USP54: variants seen among roughly 807,000 people sequenced by gnomAD.
USP54 encodes the protein ubiquitin specific peptidase 54.
In USP54, 87 loss-of-function variants were observed where a neutral mutation model predicts 170.5. The observed-to-expected ratio is 0.51, with a 90% CI of 0.43 to 0.61. The LOEUF (loss-of-function observed/expected upper bound fraction) is 0.61, where lower values mean the gene tolerates loss of function less well. Ranked by LOEUF, USP54 falls within the 20% of genes least tolerant of loss-of-function variation. USP54 has a pLI of 0.00. For missense variants in USP54, 1,786 were observed against 2,047.8 expected, an observed-to-expected ratio of 0.87 and a Z score of 2.47; for synonymous variants, 655 against 742.8, an observed-to-expected ratio of 0.88 and a Z score of 1.92.
chr10:73,546,842 A>T (rs987691143), intron 4 of USP54, among the ~76,000 whole-genome samples: 6 of 152,054 alleles, frequency 3.9e-5, no homozygotes, highest in Non-Finnish European at 1.5e-5. Flanking sequence ...GCTGTCTCCA[A>T]TTTTTTGCTA....
rs781778095 is a variant in USP54, at chr10:73,575,551, C to T, written c.108G>A (p.Glu36=). 6.2e-7 allele frequency: 1 copy of T among 1,613,932 alleles called. No individual in the cohort carries two copies. Among genetic ancestry groups the T allele is most frequent in the South Asian group, 1.1e-5 (1 of 91,034 alleles). ...SIAPSKGLSN[E]PGQNSCFLNS... The stretch of plus-strand genomic sequence containing the variant: ...TGAGGAAGCAGCTGTTTTGCCCTGG[C>T]TCATTGCTGAGGCCTTTGCTGGGGG... Residue 36 remains glutamate, a synonymous_variant, in exon 3 of 24, where the codon GAG becomes GAA. Transcript: ENST00000687698.
Position 73,536,181 on chromosome 10 carries a change from C to G in USP54, c.1144+88G>C, listed in dbSNP as rs149498166. The stretch of plus-strand genomic sequence containing the variant: ...GATCCTCTTTCTCCAAGCTAGGTTA[C>G]GAGCTAAGCACATAATTAACTATGA... On this transcript the variant is annotated intron_variant, in intron 11 of 23. Transcript: ENST00000687698. The G allele has an allele frequency of 1.0e-3, 1,588 of 1,523,426 alleles. 8 individuals carry two copies. The African/African-American group carries it at 0.016, about 15-fold the overall frequency. 94.4% of individuals were successfully genotyped at this position (1,523,426 alleles called of 1,614,324 possible).
chr10:73,535,123 A>G (rs1397272867), intron 11 of USP54, among the ~76,000 whole-genome samples: 2 of 152,236 alleles, frequency 1.3e-5, no homozygotes, highest in African/African-American at 4.8e-5. Context: ...ACAACCTGTC[A>G]TACATAGTCA....
chr10:73,563,560 C>T (rs2073577349), intron 4 of USP54, among the ~76,000 whole-genome samples: 1 of 152,172 alleles, frequency 6.6e-6, no homozygotes, highest in South Asian at 2.1e-4. Flanking sequence ...GCCTCAGCCT[C>T]CCAAATAGCT....
chr10:73,520,055 T>TA, intron 18 of USP54, 63 bp from the exon 19 acceptor site: 2 of 1,525,308 alleles, frequency 1.3e-6, no homozygotes, highest in Non-Finnish European at 1.8e-6. Context: ...ATAAAAAGAA[T>TA]AAAATTGAAA....
At chr10:73,552,580 C>T (rs565006807) in intron 4 of USP54, among the ~76,000 whole-genome samples, 1 of 152,216 alleles carries the variant, frequency 6.6e-6, no homozygotes, top group Admixed American at 6.5e-5. Flanking sequence ...TACCTAAGGT[C>T]AGGAATTCGA....
At chr10:73,506,725 G>A (rs1384762672) in intron 20 of USP54, 1 of 152,026 alleles carries the variant, frequency 6.6e-6, no homozygotes, top group Non-Finnish European at 1.5e-5. Context: ...GTTGGTGCCT[G>A]GGAATTTTCA....
chr10:73,613,026 G>A (rs543582636), intron 1 of USP54, among the ~76,000 whole-genome samples: 3 of 151,554 alleles, frequency 2.0e-5, no homozygotes, highest in African/African-American at 4.8e-5. Flanking sequence ...GCATGGTGGT[G>A]CGTGCCTCTG....
intron 1 of USP54, among the ~76,000 whole-genome samples, chr10:73,612,762 C>T (rs2080249296): frequency 6.6e-6 from 1 of 150,596 alleles, no homozygotes; most frequent in African/African-American, 2.5e-5. Flanking sequence ...AATCCTTGAA[C>T]CCACGAGGTG....
intron 1 of USP54, among the ~76,000 whole-genome samples, chr10:73,587,916 T>A (rs1008660658): frequency 2.0e-5 from 3 of 152,172 alleles, no homozygotes; most frequent in Non-Finnish European, 4.4e-5. Context: ...TTACTACCTA[T>A]AATAAATGTG....
chr10:73,598,746 CTAAAAA>C, intron 1 of USP54, among the ~76,000 whole-genome samples: 1 of 152,272 alleles, frequency 6.6e-6, no homozygotes, highest in South Asian at 2.1e-4. Context: ...CGCATCTCTA[CTAAAAA>C]TAAAAATAAA....
At chr10:73,619,690 G>A (rs770081637) in intron 1 of USP54, among the ~76,000 whole-genome samples, 2 of 150,582 alleles carry the variant, frequency 1.3e-5, no homozygotes, top group African/African-American at 2.5e-5. Context: ...TGGCCCAGCA[G>A]TGCAACTGAA....
chr10:73,623,773 C>T (rs1312928018), intron 1 of USP54, among the ~76,000 whole-genome samples: 2 of 152,056 alleles, frequency 1.3e-5, no homozygotes, highest in Non-Finnish European at 2.9e-5. Context: ...GTATTTTTTT[C>T]TCTATCAGTC....
intron 23 of USP54, 73 bp downstream of exon 23, chr10:73,500,582 A>G: frequency 7.0e-7 from 1 of 1,425,218 alleles, no homozygotes; most frequent in African/African-American, 1.5e-5. Flanking sequence ...CCATAGGTAT[A>G]CTGATTTGAC....
In USP54 at chr10:73,616,181, A is replaced by C; in HGVS notation, c.-18+9386T>G. On this transcript the variant is annotated intron_variant, in intron 1 of 22. Transcript: ENST00000339859. ...TGGTGAAACCCTGTCTCTTCTAAAA[A>C]TACAAAATTAGCCAGGGATGGTGGC... is the stretch of plus-strand genomic sequence containing the variant. 1.3e-5 allele frequency among the ~76,000 whole-genome samples: 2 copies of C among 149,758 alleles called. 1 individual carries two copies. Among genetic ancestry groups the C allele is most frequent in the African/African-American group, 5.1e-5 (2 of 39,288 alleles).
At chr10:73,526,435 C>T (rs187037730) in intron 16 of USP54, among the ~76,000 whole-genome samples, 83 of 152,184 alleles carry the variant, frequency 5.5e-4, no homozygotes, top group African/African-American at 1.8e-3. Flanking sequence ...TTAGTAGAGA[C>T]GGGGTTTCAC....
At chr10:73,582,111 C>T (rs930495894) in intron 1 of USP54, among the ~76,000 whole-genome samples, 3 of 152,004 alleles carry the variant, frequency 2.0e-5, no homozygotes, top group Non-Finnish European at 4.4e-5. Flanking sequence ...CAGCCTGTTT[C>T]GGAAAAAACC....
chr10:73,569,251 C>A (rs533791816), intron 4 of USP54, among the ~76,000 whole-genome samples: 15 of 152,262 alleles, frequency 9.9e-5, no homozygotes, highest in African/African-American at 3.4e-4. Context: ...GCTCTAATGC[C>A]ATGAATCAGA....
chr10:73,566,029 G>A (rs1383646256), intron 4 of USP54, among the ~76,000 whole-genome samples: 2 of 152,044 alleles, frequency 1.3e-5, no homozygotes, highest in Non-Finnish European at 2.9e-5. Context: ...TCAGGAGTTC[G>A]AGACCAGCCT....
Sources: gnomAD v4.1 joint callset for allele counts (sites outside exome capture counted in the v4.1 genomes callset) on GRCh38, gnomAD v4.1.1 for gene constraint, MANE v1.5 for transcripts, NCBI Gene and HGNC (gene_info 2026-07-23, HGNC 2026-07-21) for gene names.